The following UNC13C variants were observed in gnomAD, a reference collection of about 807,000 sequenced individuals.
UNC13C encodes the protein unc-13 homolog C, also known as protein unc-13 homolog C.
UNC13C carries 174 observed loss-of-function variants against 245.4 expected under a neutral mutation model. That is an observed-to-expected ratio of 0.71 (90% CI 0.63 to 0.80). UNC13C has a LOEUF of 0.80. Ranked by LOEUF, UNC13C falls within the 30% of genes least tolerant of loss-of-function variation. The pLI is 0.00. For synonymous variants in UNC13C, 992 were observed against 895.1 expected (o/e 1.11, Z -1.93); for missense variants, 2,829 against 2,602.9 (o/e 1.09, Z -1.89).
At chr15:54,206,798 T>C (rs1187489729) in intron 4 of UNC13C, among the ~76,000 whole-genome samples, 1 of 152,106 alleles carries the variant, frequency 6.6e-6, no homozygotes, top group African/African-American at 2.4e-5. Context: ...CAAGCAATCT[T>C]AGTCTAGAAA....
chr15:53,920,274 C>T, the UNC13C span, among the ~76,000 whole-genome samples: 2 of 152,128 alleles, frequency 1.3e-5, no homozygotes, highest in Admixed American at 1.3e-4. Flanking sequence ...TAGTCATCAA[C>T]TTAAAAAAGC....
intron 2 of UNC13C, among the ~76,000 whole-genome samples, chr15:54,044,607 C>T (rs894936960): frequency 6.6e-6 from 1 of 152,148 alleles, no homozygotes; most frequent in Non-Finnish European, 1.5e-5. Context: ...CTCACCAACA[C>T]TTGTTATTAC....
intron 30 of UNC13C, among the ~76,000 whole-genome samples, chr15:54,605,992 C>T (rs1391935910): frequency 1.3e-5 from 2 of 152,224 alleles, no homozygotes; most frequent in Admixed American, 1.3e-4. Context: ...AAGCCAAAGG[C>T]ATCCGTGTGT....
rs763286582 is a variant in UNC13C, at chr15:54,494,752, C to T, written c.5060+18C>T. 6.2e-7 allele frequency: 1 copy of T among 1,603,890 alleles called. No homozygotes were observed. The highest frequency in any genetic ancestry group is 1.7e-5 in the Admixed American group (1 of 58,384). On this transcript the variant is annotated intron_variant, in intron 20 of 32. Coordinates refer to ENST00000260323, the MANE Select transcript of UNC13C (RefSeq NM_001080534.3). Reference sequence around the variant, plus strand: ...TACTCCTTGTAAGTAGTGATTTTAACACACACACCCTCAGATCTAAATTCA... The same window carrying T: ...TACTCCTTGTAAGTAGTGATTTTAATACACACACCCTCAGATCTAAATTCA...
intron 16 of UNC13C, among the ~76,000 whole-genome samples, chr15:54,337,363 AT>A (rs1449979382): frequency 1.3e-5 from 2 of 152,170 alleles, no homozygotes; most frequent in Admixed American, 6.5e-5. Context: ...CTGTAGATTC[AT>A]TTATCCAAAT....
At chr15:54,028,971 G>A (rs939086178) in intron 2 of UNC13C, among the ~76,000 whole-genome samples, 2 of 152,056 alleles carry the variant, frequency 1.3e-5, no homozygotes, top group African/African-American at 4.8e-5. Context: ...TAATCAGTAG[G>A]GAGGCAACCT....
chr15:53,941,432 A>G, the UNC13C span, among the ~76,000 whole-genome samples: 2 of 152,302 alleles, frequency 1.3e-5, no homozygotes, highest in African/African-American at 4.8e-5. Context: ...CAACCAAAGA[A>G]AAAATTGACA....
rs139962725 is a variant in UNC13C, at chr15:54,101,569, C to A, written c.2984-41449C>A. Among the ~76,000 whole-genome samples the A allele has an allele frequency of 7.9e-5, 12 of 151,908 alleles. No homozygotes were observed. In the East Asian group the frequency reaches 2.3e-3, roughly 29 times the overall value. ...AGACATGGAGTTCATTCTATTTGCT[C>A]CTCCTCATTATCCTCCCCCTTTTTT... On this transcript the variant is annotated intron_variant, in intron 2 of 32. Coordinates refer to ENST00000260323, the MANE Select transcript of UNC13C (RefSeq NM_001080534.3).
chr15:54,196,428 C>T (rs2034356064), intron 4 of UNC13C, among the ~76,000 whole-genome samples: 1 of 151,768 alleles, frequency 6.6e-6, no homozygotes, highest in South Asian at 2.1e-4. Context: ...GGATCTATTC[C>T]ACATTCAATT....
At chr15:54,283,851 G>A (rs1596143261) in intron 10 of UNC13C, among the ~76,000 whole-genome samples, 1 of 152,036 alleles carries the variant, frequency 6.6e-6, no homozygotes, top group African/African-American at 2.4e-5. Context: ...GCTAGTGAGT[G>A]GCTCCAATGG....
chr15:54,154,387 T>C (rs972037353), intron 4 of UNC13C, among the ~76,000 whole-genome samples: 10 of 152,138 alleles, frequency 6.6e-5, no homozygotes, highest in African/African-American at 2.2e-4. Context: ...CTTATACAAT[T>C]TAAGGGTGAC....
At chr15:53,859,461 G>T in the UNC13C span, among the ~76,000 whole-genome samples, 1 of 151,992 alleles carries the variant, frequency 6.6e-6, no homozygotes, top group African/African-American at 2.4e-5. Flanking sequence ...TATTCCCACT[G>T]AAAACATTAA....
intron 30 of UNC13C, among the ~76,000 whole-genome samples, chr15:54,577,586 G>A (rs1211400356): frequency 6.6e-6 from 1 of 152,100 alleles, no homozygotes; most frequent in Non-Finnish European, 1.5e-5. Flanking sequence ...GCTCCCTCTG[G>A]ACAAGGTCCT....
intron 2 of UNC13C, among the ~76,000 whole-genome samples, chr15:54,139,423 T>C (rs1354347737): frequency 1.3e-5 from 2 of 152,108 alleles, no homozygotes; most frequent in South Asian, 2.1e-4. Flanking sequence ...TTGGCAGAGG[T>C]AGGACACAAT....
intron 19 of UNC13C, among the ~76,000 whole-genome samples, chr15:54,452,340 G>A (rs1190527192): frequency 6.6e-6 from 1 of 152,172 alleles, no homozygotes; most frequent in Admixed American, 6.5e-5. Context: ...GATTATGGCA[G>A]TTATAGTGGT....
intron 4 of UNC13C, among the ~76,000 whole-genome samples, chr15:54,177,235 C>T (rs1322787480): frequency 1.3e-5 from 2 of 152,108 alleles, no homozygotes; most frequent in Admixed American, 6.5e-5. Context: ...TTATCAAATA[C>T]TACCATAACT....
chr15:53,863,360 G>A, the UNC13C span, among the ~76,000 whole-genome samples: 1 of 152,198 alleles, frequency 6.6e-6, no homozygotes, highest in African/African-American at 2.4e-5. Flanking sequence ...AACTGCAGAA[G>A]TGACACACAT....
intron 1 of UNC13C, among the ~76,000 whole-genome samples, chr15:53,991,544 A>C (rs1223405102): frequency 6.6e-6 from 1 of 152,008 alleles, no homozygotes; most frequent in East Asian, 1.9e-4. Flanking sequence ...CACCTAGATC[A>C]GACTTGGTGA....
intron 8 of UNC13C, among the ~76,000 whole-genome samples, chr15:54,255,580 C>T (rs2036258816): frequency 6.6e-6 from 1 of 152,206 alleles, no homozygotes; most frequent in Non-Finnish European, 1.5e-5. Context: ...TGTTCCTCTG[C>T]TGATGTGCTC....
Sources: gnomAD v4.1 joint callset for allele counts (sites outside exome capture counted in the v4.1 genomes callset) on GRCh38, gnomAD v4.1.1 for gene constraint, MANE v1.5 for transcripts, NCBI Gene and HGNC (gene_info 2026-07-23, HGNC 2026-07-21) for gene names.